RXFP2: variants seen among roughly 807,000 people sequenced by gnomAD.
RXFP2 encodes the protein relaxin family peptide receptor 2.
Under a neutral mutation model 88.6 loss-of-function variants are expected in RXFP2, and 68 were observed. The ratio of observed to expected loss-of-function variants is 0.77; its 90% confidence interval spans 0.63 to 0.94. RXFP2 has a LOEUF of 0.94. Among genes scored for constraint, RXFP2 ranks in the 40% least tolerant of loss-of-function variants. RXFP2 has a pLI of 0.00. For synonymous variants in RXFP2, 329 were observed against 306.8 expected (o/e 1.07, Z -0.76); for missense variants, 791 against 893.9 (o/e 0.88, Z 1.47).
chr13:31,800,417 A>G lies in RXFP2; in HGVS notation c.2006-1729A>G, dbSNP rs147543072. On this transcript the variant is annotated intron_variant, in intron 17 of 17. Transcript: ENST00000298386. ...AACCCCGTCTCTACTGAAAATATAT[A>G]AAAAATTAGCCGGGCATGGTGGCAG... 1.2e-3 allele frequency among the ~76,000 whole-genome samples: 183 copies of G among 152,206 alleles called. 8 individuals are homozygous for G. The East Asian group carries it at 0.029, about 24-fold the overall frequency.
chr13:31,792,482 T>C (rs1394016977), intron 15 of RXFP2, among the ~76,000 whole-genome samples, 196 bp from the exon 16 acceptor site: 1 of 152,230 alleles, frequency 6.6e-6, no homozygotes, highest in Non-Finnish European at 1.5e-5. Context: ...AAACATAGTG[T>C]AGTACTTTAG....
intron 9 of RXFP2, among the ~76,000 whole-genome samples, chr13:31,781,385 ATGG>A (rs1261271292): frequency 6.6e-6 from 1 of 152,162 alleles, no homozygotes; most frequent in Non-Finnish European, 1.5e-5. Flanking sequence ...AGCCCAATCA[ATGG>A]TAGTTTATGA....
chr13:31,764,855 C>T (rs1373038209), intron 3 of RXFP2, among the ~76,000 whole-genome samples, 182 bp from the exon 4 acceptor site: 1 of 152,132 alleles, frequency 6.6e-6, no homozygotes, highest in Non-Finnish European at 1.5e-5. Context: ...GAGATTAACA[C>T]ATTAGTCTGC....
intron 17 of RXFP2, among the ~76,000 whole-genome samples, chr13:31,799,606 G>A (rs1046375163): frequency 5.3e-5 from 8 of 152,262 alleles, no homozygotes; most frequent in South Asian, 4.1e-4. Flanking sequence ...TAAGGCGGAG[G>A]TCCTGGGTTC....
chr13:31,752,313 T>C (rs1871707803), intron 1 of RXFP2, among the ~76,000 whole-genome samples: 1 of 152,108 alleles, frequency 6.6e-6, no homozygotes, highest in African/African-American at 2.4e-5. Flanking sequence ...GATAGGGTCC[T>C]GAGGGACTTT....
rs188513592 is a variant in RXFP2 at position 31,772,799 on chromosome 13, G to T, written c.498-1821G>T. The stretch of plus-strand genomic sequence containing the variant: ...AGGTTGTACACATCAGATGAGTTGT[G>T]TGGATCACTGGTTTTACTCTTTCTT... On this transcript the variant is annotated intron_variant, in intron 5 of 17. Transcript: ENST00000298386. Among the ~76,000 whole-genome samples, 427 of 152,312 alleles carry T rather than the reference G, an allele frequency of 2.8e-3. 2 individuals are homozygous for T. The highest frequency in any genetic ancestry group is 9.9e-3 in the African/African-American group (411 of 41,576).
intron 16 of RXFP2, among the ~76,000 whole-genome samples, chr13:31,795,153 C>CTT (rs760482845): frequency 5.6e-5 from 8 of 143,946 alleles, no homozygotes; most frequent in Admixed American, 6.9e-5. Context: ...AGAGCATACA[C>CTT]TTTTTTTTTT....
In RXFP2 at chr13:31,802,802, C is replaced by T. The variant is rs140869208; in HGVS notation, c.*397C>T. The T allele has an allele frequency of 6.7e-3, 1,240 of 185,608 alleles. 18 individuals are homozygous for T. Among genetic ancestry groups the T allele is most frequent in the African/African-American group, 0.027 (1,161 of 42,438 alleles). The allele number at this position is 185,608 out of a possible 1,614,324, so 11.5% of individuals were successfully genotyped here. On this transcript the variant is annotated 3_prime_UTR_variant, in exon 18 of 18. Coordinates refer to ENST00000298386, the MANE Select transcript of RXFP2 (RefSeq NM_130806.5). ...TCTGATTCCAGTGTGGCCATAATAA[C>T]AGAAATCTAACAACTCTTTCCTTGC... is the stretch of plus-strand genomic sequence containing the variant.
intron 16 of RXFP2, among the ~76,000 whole-genome samples, chr13:31,794,891 C>A (rs564607571): frequency 6.6e-6 from 1 of 151,818 alleles, no homozygotes; most frequent in African/African-American, 2.4e-5. Context: ...GAGATCGTCA[C>A]ACACACACAC....
intron 2 of RXFP2, among the ~76,000 whole-genome samples, chr13:31,759,131 G>A (rs1383793342): frequency 1.3e-5 from 2 of 151,672 alleles, no homozygotes; most frequent in African/African-American, 4.8e-5. Flanking sequence ...TGCCTGCTAT[G>A]TGCCAGGAGC....
intron 11 of RXFP2, among the ~76,000 whole-genome samples, chr13:31,784,589 C>T (rs1873439092): frequency 1.3e-5 from 2 of 152,130 alleles, no homozygotes; most frequent in Admixed American, 1.3e-4. Context: ...CACCTGTGGT[C>T]TCCCTTCTGG....
chr13:31,746,057 T>G (rs1182282173), intron 1 of RXFP2, among the ~76,000 whole-genome samples: 7 of 152,216 alleles, frequency 4.6e-5, no homozygotes, highest in Non-Finnish European at 1.0e-4. Flanking sequence ...CTCCGCTTCA[T>G]CCACAATACT....
chr13:31,752,611 G>C (rs1352417783), intron 1 of RXFP2, among the ~76,000 whole-genome samples: 2 of 151,880 alleles, frequency 1.3e-5, no homozygotes, highest in East Asian at 3.9e-4. Context: ...TAGCATTAAA[G>C]CCTTTTAAGA....
At position 31,739,580 on chromosome 13, in the gene RXFP2, G is replaced by C. The variant is rs375998572; in HGVS notation, c.-33G>C. 1 of 1,354,236 alleles carries C rather than the reference G, an allele frequency of 7.4e-7. No homozygotes were observed. The highest frequency in any genetic ancestry group is 1.1e-6 in the Non-Finnish European group (1 of 943,514). The allele number at this position is 1,354,236 out of a possible 1,614,324, so 83.9% of individuals were successfully genotyped here. On this transcript the variant is annotated 5_prime_UTR_variant, in exon 1 of 18. Transcript: ENST00000298386. ...TCAGAACTCCTGCTGAGGTATAAGA[G>C]GATACGTCTAATAACTCAATTGCTG...
chr13:31,767,826 G>T (rs1872603473), intron 5 of RXFP2, among the ~76,000 whole-genome samples: 1 of 152,148 alleles, frequency 6.6e-6, no homozygotes, highest in African/African-American at 2.4e-5. Flanking sequence ...ATTTCTACCA[G>T]CACAGACTGT....
chr13:31,787,874 C>T (rs1393203325), intron 13 of RXFP2, among the ~76,000 whole-genome samples: 1 of 152,212 alleles, frequency 6.6e-6, no homozygotes, highest in Non-Finnish European at 1.5e-5. Context: ...CTCCTGAGCT[C>T]AGGCAATTCA....
rs192859779 is a variant in RXFP2, at chr13:31,740,493, C to T, written c.94+787C>T. On this transcript the variant is annotated intron_variant, in intron 1 of 17. Coordinates refer to ENST00000298386, the MANE Select transcript of RXFP2 (RefSeq NM_130806.5). ...TTTTTCTTAAAGAATTTTGATAAAC[C>T]TCTGAGAATAAAGGTTAAAATTTGA... is the stretch of plus-strand genomic sequence containing the variant. Among the ~76,000 whole-genome samples, 632 of 151,914 alleles carry T rather than the reference C, an allele frequency of 4.2e-3. 3 individuals are homozygous for T. Among genetic ancestry groups the T allele is most frequent in the Non-Finnish European group, 6.5e-3 (438 of 67,874 alleles).
intron 2 of RXFP2, among the ~76,000 whole-genome samples, chr13:31,760,150 G>A (rs113197660): frequency 1.3e-4 from 20 of 152,170 alleles, no homozygotes; most frequent in Non-Finnish European, 2.1e-4. Flanking sequence ...GTTCAATGGC[G>A]TGATCTCAGC....
intron 1 of RXFP2, among the ~76,000 whole-genome samples, chr13:31,752,751 T>G (rs183667862): frequency 6.6e-6 from 1 of 152,312 alleles, no homozygotes; most frequent in Non-Finnish European, 1.5e-5. Flanking sequence ...ATGGAGCTAC[T>G]TCTCCTTGGC....
Sources: allele counts gnomAD v4.1 joint callset (sites outside exome capture counted in the v4.1 genomes callset), GRCh38; gene constraint gnomAD v4.1.1; transcripts MANE v1.5; gene names NCBI Gene and HGNC (gene_info 2026-07-23, HGNC 2026-07-21).